MPPED1: variants seen among roughly 807,000 people sequenced by gnomAD.
MPPED1 encodes metallophosphoesterase domain containing 1, also known as metallophosphoesterase domain-containing protein 1.
Under a neutral mutation model 36.2 loss-of-function variants are expected in MPPED1, and 16 were observed. The ratio of observed to expected loss-of-function variants is 0.44; its 90% CI spans 0.30 to 0.67. MPPED1 has a LOEUF of 0.67. Ranked by LOEUF, MPPED1 falls within the 30% of genes least tolerant of loss-of-function variation. MPPED1 has a pLI of 0.10. For missense variants in MPPED1, 307 were observed against 453.4 expected (o/e 0.68, Z 2.93); for synonymous variants, 199 against 191.3 (o/e 1.04, Z -0.33).
intron 4 of MPPED1, among the ~76,000 whole-genome samples, chr22:43,485,203 TAC>T (rs1439077765): frequency 6.6e-6 from 1 of 151,924 alleles, no homozygotes; most frequent in Admixed American, 6.6e-5. Flanking sequence ...CCTATACACC[TAC>T]ACACACATTC....
At chr22:43,428,688 C>G (rs1239447521) in intron 2 of MPPED1, among the ~76,000 whole-genome samples, 1 of 152,076 alleles carries the variant, frequency 6.6e-6, no homozygotes, top group Non-Finnish European at 1.5e-5. Context: ...CTGGTTGAGT[C>G]CTGTGATTTA....
chr22:43,461,669 A>T (rs1441097065), intron 3 of MPPED1, among the ~76,000 whole-genome samples: 3 of 152,142 alleles, frequency 2.0e-5, no homozygotes, highest in Non-Finnish European at 4.4e-5. Context: ...TATTGTAAAG[A>T]CTCAAATGTA....
At chr22:43,503,869 T>A (rs1449994930) in intron 6 of MPPED1, among the ~76,000 whole-genome samples, 1 of 151,964 alleles carries the variant, frequency 6.6e-6, no homozygotes, top group Non-Finnish European at 1.5e-5. Flanking sequence ...AAAGAATAGG[T>A]CCTCACCCAC....
intron 1 of MPPED1, among the ~76,000 whole-genome samples, chr22:43,421,121 G>C (rs888079593): frequency 2.0e-5 from 3 of 152,226 alleles, no homozygotes; most frequent in African/African-American, 7.2e-5. Context: ...TGCATCGCTC[G>C]CGTGCTGTGC....
At position 43,498,188 on chromosome 22, in the gene MPPED1, C is replaced by G. The variant is rs1932493637; in HGVS notation, c.633-47C>G. On this transcript the variant is annotated intron_variant, in intron 4 of 6. Coordinates refer to ENST00000443721, the MANE Select transcript of MPPED1 (RefSeq NM_001044370.2). ...GAGCTCCGCATTCCCTCTGACCACC[C>G]TGTACTTTCACCCGCCCTCCCTCAA... 3 of 1,458,090 alleles carry G rather than the reference C, an allele frequency of 2.1e-6. No individual in the cohort carries two copies. The African/African-American group carries it at 4.2e-5, about 20-fold the overall frequency. The allele number at this position is 1,458,090 out of a possible 1,614,324, so 90.3% of individuals were successfully genotyped here. A position where few individuals can be genotyped will look rare whatever the true frequency, so the allele number is the denominator to read the frequency against.
In MPPED1 at chr22:43,507,812, A is replaced by G. The variant is rs1366321938; in HGVS notation, c.*2196A>G. Reference sequence around the variant, plus strand: ...TGTAATTTTTTTTTTTTTTTTTGTCAAGCATGTCAGACAATAAAGTCTTTG... The same window carrying G: ...TGTAATTTTTTTTTTTTTTTTTGTCGAGCATGTCAGACAATAAAGTCTTTG... On this transcript the variant is annotated 3_prime_UTR_variant, in exon 7 of 7. Coordinates refer to ENST00000443721, the MANE Select transcript of MPPED1 (RefSeq NM_001044370.2). 1 of 133,622 alleles carries G rather than the reference A, an allele frequency of 7.5e-6. No individual in the cohort carries two copies. The highest frequency in any genetic ancestry group is 1.6e-5 in the Non-Finnish European group (1 of 63,360). 8.3% of individuals were successfully genotyped at this position (133,622 alleles called of 1,614,324 possible). A position where few individuals can be genotyped will look rare whatever the true frequency, so the allele number is the denominator to read the frequency against.
intron 4 of MPPED1, among the ~76,000 whole-genome samples, chr22:43,496,390 G>GGT: frequency 1.4e-5 from 1 of 73,474 alleles, no homozygotes; most frequent in Non-Finnish European, 2.3e-5. Flanking sequence ...TGGTGGTGGA[G>GGT]ATGGTGGTGG....
intron 2 of MPPED1, among the ~76,000 whole-genome samples, chr22:43,430,946 G>A (rs543601334): frequency 7.7e-4 from 115 of 150,042 alleles, no homozygotes; most frequent in Non-Finnish European, 1.4e-3. Flanking sequence ...TTTCAAGCTT[G>A]GGTCTAGCTT....
intron 3 of MPPED1, among the ~76,000 whole-genome samples, chr22:43,473,020 G>A (rs1018588829): frequency 1.3e-5 from 2 of 152,210 alleles, no homozygotes; most frequent in African/African-American, 4.8e-5. Context: ...CACATCTTCC[G>A]AGTCTCAGCC....
At chr22:43,497,117 G>C (rs1932441534) in intron 4 of MPPED1, among the ~76,000 whole-genome samples, 1 of 150,910 alleles carries the variant, frequency 6.6e-6, no homozygotes, top group African/African-American at 2.5e-5. Context: ...GATGGAGGTG[G>C]TGATGGACGT....
In MPPED1 at chr22:43,425,177, C is replaced by T. The variant is rs1569064530; in HGVS notation, c.192C>T (p.Asn64=). The T allele has an allele frequency of 2.5e-6, 4 of 1,608,980 alleles. 1 individual carries two copies. The South Asian group carries it at 4.4e-5, about 18-fold the overall frequency. ...AGGCCTTCACCTTCTACAACATCAACCAGGGCCGCTTCCAGCCACCGCATG... is the reference window on the plus strand; with the variant it reads ...AGGCCTTCACCTTCTACAACATCAATCAGGGCCGCTTCCAGCCACCGCATG... ...PTQAFTFYNI[N]QGRFQPPHVQ... Residue 64 remains asparagine (N), a synonymous_variant, in exon 2 of 7, where the codon AAC becomes AAT. Transcript: ENST00000443721.
intron 5 of MPPED1, among the ~76,000 whole-genome samples, chr22:43,499,240 GGGTGGTGGTGGTGATGGA>G (rs1932536342): frequency 6.8e-6 from 1 of 147,282 alleles, no homozygotes; most frequent in Non-Finnish European, 1.5e-5. Context: ...AGTGGGGATG[GGGTGGTGGTGGTGATGGA>G]GGTGGTGGTG....
At chr22:43,500,212 TGGG>T (rs1569091741) in intron 5 of MPPED1, among the ~76,000 whole-genome samples, 3 of 77,690 alleles carry the variant, frequency 3.9e-5, no homozygotes, top group Admixed American at 1.2e-4. Flanking sequence ...ATGGAGGTGG[TGGG>T]GGTGATGGTG....
rs78098277 is a variant in MPPED1 at position 43,426,368 on chromosome 22, G to A, written c.224+1159G>A. Among the ~76,000 whole-genome samples, 29 of 152,288 alleles carry A rather than the reference G, an allele frequency of 1.9e-4. No homozygotes were observed. In the East Asian group the frequency reaches 5.4e-3, roughly 28 times the overall value. On this transcript the variant is annotated intron_variant, in intron 2 of 6. Coordinates refer to ENST00000443721, the MANE Select transcript of MPPED1 (RefSeq NM_001044370.2). The stretch of plus-strand genomic sequence containing the variant: ...CTGGATGAGGGATGACCCCTGCAGA[G>A]CAGGGAGGTGACAGCACAGGGAGGG...
intron 3 of MPPED1, among the ~76,000 whole-genome samples, chr22:43,448,075 G>T (rs2146850456): frequency 6.6e-6 from 1 of 151,894 alleles, no homozygotes; most frequent in East Asian, 1.9e-4. Context: ...TGTATTTAGA[G>T]GCAGGGTTTC....
At chr22:43,495,497 G>GTGA (rs1932258360) in intron 4 of MPPED1, among the ~76,000 whole-genome samples, 5 of 20,916 alleles carry the variant, frequency 2.4e-4, no homozygotes, top group African/African-American at 1.6e-3. Context: ...GGAGGTAGTG[G>GTGA]TGGTGGAGGT....
intron 3 of MPPED1, among the ~76,000 whole-genome samples, chr22:43,473,267 G>A (rs1167009996): frequency 6.6e-6 from 1 of 152,346 alleles, no homozygotes; most frequent in Middle Eastern, 3.4e-3. Context: ...GGTGTCAGGG[G>A]CTCATTGGAG....
intron 3 of MPPED1, among the ~76,000 whole-genome samples, chr22:43,439,603 G>A (rs1349479719): frequency 6.6e-6 from 1 of 152,228 alleles, no homozygotes; most frequent in Non-Finnish European, 1.5e-5. Context: ...CTTGTAGAAC[G>A]GGGAGAATTA....
At chr22:43,457,034 A>T (rs1485314735) in intron 3 of MPPED1, among the ~76,000 whole-genome samples, 2 of 151,756 alleles carry the variant, frequency 1.3e-5, no homozygotes, top group African/African-American at 4.8e-5. Flanking sequence ...TTTTTTGAGG[A>T]TTTTGAGCCT....
Sources: gnomAD v4.1 joint callset for allele counts (sites outside exome capture counted in the v4.1 genomes callset) on GRCh38, gnomAD v4.1.1 for gene constraint, MANE v1.5 for transcripts, NCBI Gene and HGNC (gene_info 2026-07-23, HGNC 2026-07-21) for gene names.